TTC39B: variants seen among roughly 807,000 people sequenced by gnomAD.
TTC39B encodes the protein tetratricopeptide repeat protein 39B.
TTC39B carries 92 observed loss-of-function variants against 96.6 expected under a neutral mutation model. That is an observed-to-expected ratio of 0.95 (90% CI 0.80 to 1.13). The LOEUF is 1.13. Among genes scored for constraint, TTC39B ranks in the 50% most tolerant of loss-of-function variants. TTC39B has a pLI of 0.00. For missense variants in TTC39B, 955 were observed against 809.3 expected (o/e 1.18, Z -2.18); for synonymous variants, 367 against 299.4 (o/e 1.23, Z -2.33).
chr9:15,222,146 C>G (rs1021155496), intron 3 of TTC39B, among the ~76,000 whole-genome samples: 3 of 152,118 alleles, frequency 2.0e-5, no homozygotes, highest in Non-Finnish European at 2.9e-5. Flanking sequence ...TAAGAGGGAT[C>G]GTTCCAAGAG....
chr9:15,214,509 C>T (rs1000067448), intron 3 of TTC39B, among the ~76,000 whole-genome samples: 5 of 152,176 alleles, frequency 3.3e-5, no homozygotes, highest in African/African-American at 1.2e-4. Context: ...AGGGAAATTA[C>T]AACTCTGTAA....
intron 2 of TTC39B, among the ~76,000 whole-genome samples, chr9:15,241,491 G>C (rs1268819548): frequency 6.6e-6 from 1 of 152,012 alleles, no homozygotes; most frequent in African/African-American, 2.4e-5. Flanking sequence ...TAGCATGCCT[G>C]CTCTCAAAGA....
At chr9:15,203,126 C>G (rs921411678) in intron 7 of TTC39B, among the ~76,000 whole-genome samples, 4 of 152,324 alleles carry the variant, frequency 2.6e-5, no homozygotes, top group Middle Eastern at 3.4e-3. Context: ...GGGGACACTT[C>G]CTCTGCCCGG....
chr9:15,283,376 T>C (rs1330398960), intron 1 of TTC39B, among the ~76,000 whole-genome samples: 1 of 152,256 alleles, frequency 6.6e-6, no homozygotes, highest in Non-Finnish European at 1.5e-5. Context: ...AGCATGTCTG[T>C]ACACCAAGCA....
At chr9:15,243,986 A>G (rs1034438350) in intron 2 of TTC39B, among the ~76,000 whole-genome samples, 5 of 152,380 alleles carry the variant, frequency 3.3e-5, no homozygotes, top group Admixed American at 2.6e-4. Context: ...AACTACTCCA[A>G]CAGCTGCTGT....
Position 15,195,393 on chromosome 9 carries a change from G to A in TTC39B, c.825-2698C>T, listed in dbSNP as rs140563021. On this transcript the variant is annotated intron_variant, in intron 8 of 19. Transcript: ENST00000512701. ...ATCTCTATAACAAAAAAGTGCAGCCGGGCACGGTGGCTCACACCTGTAATC... is the reference window on the plus strand; with the variant it reads ...ATCTCTATAACAAAAAAGTGCAGCCAGGCACGGTGGCTCACACCTGTAATC... 2.5e-3 allele frequency among the ~76,000 whole-genome samples: 377 copies of A among 152,092 alleles called. 2 individuals carry two copies. The highest frequency in any genetic ancestry group is 8.3e-3 in the South Asian group (40 of 4,814).
exon 20 of TTC39B, chr9:15,166,985 TATA>T (rs1564299617): frequency 0.017 from 81 of 4,800 alleles, no homozygotes; most frequent in African/African-American, 0.045. Context: ...CTTTATTTTA[TATA>T]TATATATATA....
At chr9:15,263,473 A>C (rs1823015489) in intron 2 of TTC39B, among the ~76,000 whole-genome samples, 1 of 152,194 alleles carries the variant, frequency 6.6e-6, no homozygotes, top group Non-Finnish European at 1.5e-5. Context: ...AGATACATGT[A>C]GTTGTGTGCA....
chr9:15,214,885 T>C (rs962854017), intron 3 of TTC39B, among the ~76,000 whole-genome samples: 2 of 152,204 alleles, frequency 1.3e-5, no homozygotes, highest in Non-Finnish European at 2.9e-5. Context: ...ATCTCTAAAA[T>C]GTTTTGTGTA....
chr9:15,206,791 AGGGTGGAGTACAG>A (rs1459538495), intron 6 of TTC39B, among the ~76,000 whole-genome samples: 1 of 152,122 alleles, frequency 6.6e-6, no homozygotes, highest in Non-Finnish European at 1.5e-5. Context: ...TCTGTCACCC[AGGGTGGAGTACAG>A]GGGCATGATC....
chr9:15,173,210 C>T (rs1817753326), intron 19 of TTC39B, among the ~76,000 whole-genome samples: 1 of 152,066 alleles, frequency 6.6e-6, no homozygotes, highest in East Asian at 1.9e-4. Flanking sequence ...TTTCCAATAG[C>T]TGGATTTGAA....
At chr9:15,201,291 A>G (rs988954287) in intron 7 of TTC39B, among the ~76,000 whole-genome samples, 1 of 151,968 alleles carries the variant, frequency 6.6e-6, no homozygotes, top group African/African-American at 2.4e-5. Context: ...ATCTCATTTC[A>G]GGATTCATCA....
chr9:15,222,919 C>A (rs944496294), intron 3 of TTC39B, among the ~76,000 whole-genome samples: 4 of 152,168 alleles, frequency 2.6e-5, no homozygotes, highest in African/African-American at 9.7e-5. Flanking sequence ...GGTCTCCCAC[C>A]TCTAATGAAG....
intron 2 of TTC39B, chr9:15,249,814 T>G: frequency 1.1e-6 from 1 of 947,706 alleles, no homozygotes; most frequent in East Asian, 8.6e-5. Flanking sequence ...TTAACTGGAG[T>G]TTAAAAAATT....
chr9:15,278,096 C>T (rs1440946272), intron 1 of TTC39B, among the ~76,000 whole-genome samples: 2 of 152,044 alleles, frequency 1.3e-5, no homozygotes, highest in African/African-American at 2.4e-5. Context: ...AATTAATTAT[C>T]GGTTATTTAA....
chr9:15,250,886 T>A (rs1190013170), intron 2 of TTC39B, among the ~76,000 whole-genome samples: 1 of 152,218 alleles, frequency 6.6e-6, no homozygotes, highest in Non-Finnish European at 1.5e-5. Context: ...TAGGACTCAC[T>A]AATTTTTCTA....
In TTC39B at chr9:15,211,270, G is replaced by A. The variant is rs377450367; in HGVS notation, c.610C>T (p.Gln204Ter). ...GTATTTAATGACTCGTCATACTTTT[G>A]GCAGGTTTGTAAAGCGTCCTTCATG... The change falls in exon 5 of 20, where the codon CAA becomes TAA. Residue 204 changes from glutamine to a stop codon, truncating the protein, a stop_gained. Coordinates refer to ENST00000512701, the Ensembl canonical transcript of TTC39B. LOFTEE classifies it high-confidence loss of function. 2.5e-5 allele frequency: 39 copies of A among 1,540,004 alleles called. No homozygotes were observed. The highest frequency in any genetic ancestry group is 3.3e-5 in the Non-Finnish European group (38 of 1,147,064).
chr9:15,185,613 G>T, intron 15 of TTC39B: 1 of 573,140 alleles, frequency 1.7e-6, no homozygotes. Flanking sequence ...TCTAGATTTT[G>T]ATAAGCCCTC....
chr9:15,218,966 C>T (rs1046927938), intron 3 of TTC39B, among the ~76,000 whole-genome samples: 2 of 152,180 alleles, frequency 1.3e-5, no homozygotes, highest in Non-Finnish European at 2.9e-5. Flanking sequence ...AATTTTTACT[C>T]GCTTATGTTA....
Sources: allele counts gnomAD v4.1 joint callset (sites outside exome capture counted in the v4.1 genomes callset), GRCh38; gene constraint gnomAD v4.1.1; transcripts MANE v1.5; gene names NCBI Gene and HGNC (gene_info 2026-07-23, HGNC 2026-07-21).